The following SREK1IP1 variants were observed in gnomAD, a reference collection of about 807,000 sequenced individuals.
SREK1IP1 encodes protein SREK1IP1.
Under a neutral mutation model 22.8 loss-of-function variants are expected in SREK1IP1, and 12 were observed. The observed-to-expected ratio is 0.53, with a 90% confidence interval of 0.34 to 0.85. SREK1IP1 has a LOEUF of 0.85. Among genes scored for constraint, SREK1IP1 ranks in the 40% least tolerant of loss-of-function variants. The probability of loss-of-function intolerance (pLI) is 0.02; values close to 1 mark genes in which losing one functional copy is unlikely to be tolerated. For synonymous variants in SREK1IP1, 53 were observed against 52.7 expected, an observed-to-expected ratio of 1.01 and a Z score of -0.02; for missense variants, 147 against 171.8, an observed-to-expected ratio of 0.86 and a Z score of 0.81.
chr5:64,738,834 A>C (rs764464198), intron 3 of SREK1IP1, among the ~76,000 whole-genome samples: 1 of 152,168 alleles, frequency 6.6e-6, no homozygotes, highest in Non-Finnish European at 1.5e-5. Flanking sequence ...ACCTAAAATG[A>C]AGATATCTGA....
chr5:64,730,921 A>G (rs754024877), intron 3 of SREK1IP1, among the ~76,000 whole-genome samples: 6 of 151,350 alleles, frequency 4.0e-5, no homozygotes, highest in Non-Finnish European at 5.9e-5. Context: ...GCAGTTACAG[A>G]TATTTGCAAA....
intron 4 of SREK1IP1, chr5:64,727,891 T>C (rs1359307598): frequency 2.9e-6 from 1 of 339,306 alleles, no homozygotes. Flanking sequence ...GTTAATTTAT[T>C]AGCCATGGTA....
chr5:64,748,540 G>C (rs557829024), intron 2 of SREK1IP1, among the ~76,000 whole-genome samples: 169 of 152,320 alleles, frequency 1.1e-3, no homozygotes, highest in African/African-American at 4.0e-3. Context: ...GCATGGCATA[G>C]TATTAAATCT....
rs191906575 is a variant in SREK1IP1 at position 64,726,602 on chromosome 5, C to T, written c.278+1505G>A. 7.5e-4 allele frequency among the ~76,000 whole-genome samples: 112 copies of T among 149,850 alleles called. 3 individuals carry two copies. The East Asian group carries it at 0.018, about 24-fold the overall frequency. On this transcript the variant is annotated intron_variant, in intron 4 of 4. Transcript: ENST00000513458. ...AAAAAAAAAAAAAAAAAGAAATATACAGATGTACTTCAACTTATGATGGAG... is the reference window on the plus strand; with the variant it reads ...AAAAAAAAAAAAAAAAAGAAATATATAGATGTACTTCAACTTATGATGGAG...
At chr5:64,740,198 T>A (rs1473215915) in intron 3 of SREK1IP1, among the ~76,000 whole-genome samples, 1 of 152,032 alleles carries the variant, frequency 6.6e-6, no homozygotes, top group African/African-American at 2.4e-5. Context: ...GGAGGATGTG[T>A]CCAGGAAAGA....
At chr5:64,765,699 C>T (rs1743021509) in intron 1 of SREK1IP1, among the ~76,000 whole-genome samples, 1 of 152,116 alleles carries the variant, frequency 6.6e-6, no homozygotes. Context: ...TACTTTGAAG[C>T]ACTATTTTGA....
chr5:64,727,553 A>ATATATATATATAT, intron 4 of SREK1IP1: 1 of 84,714 alleles, frequency 1.2e-5, no homozygotes, highest in African/African-American at 5.5e-5. Context: ...ATATATATAT[A>ATATATATATATAT]TTTTTTTTTT....
Position 64,746,378 on chromosome 5 carries a change from T to C in SREK1IP1, c.62-5178A>G, listed in dbSNP as rs544021617. 1.1e-3 allele frequency among the ~76,000 whole-genome samples: 172 copies of C among 152,264 alleles called. 1 individual carries two copies. Among genetic ancestry groups the C allele is most frequent in the African/African-American group, 3.9e-3 (164 of 41,544 alleles). ...AAAATTGATAAAATGGTCGTCAGAA[T>C]TAAAAACTTTTGTGCAAAATTATCA... On this transcript the variant is annotated intron_variant, in intron 2 of 4. Coordinates refer to ENST00000513458, the MANE Select transcript of SREK1IP1 (RefSeq NM_173829.4).
chr5:64,742,841 T>G (rs965205601), intron 2 of SREK1IP1, among the ~76,000 whole-genome samples: 1 of 152,224 alleles, frequency 6.6e-6, no homozygotes, highest in Non-Finnish European at 1.5e-5. Flanking sequence ...AAAATATGTA[T>G]TGCACATTTT....
intron 1 of SREK1IP1, among the ~76,000 whole-genome samples, chr5:64,757,750 G>C (rs936968210): frequency 6.6e-6 from 1 of 151,346 alleles, no homozygotes; most frequent in East Asian, 1.9e-4. Context: ...CACTTGCACA[G>C]CAAACTCCAG....
rs2112078562 is a variant in SREK1IP1 at position 64,718,924 on chromosome 5, A to G, written c.*5460T>C. Reference sequence around the variant, plus strand: ...TTAGGGTGGTATGGCCATAGCCAAAAACTAGCATTTCAAAATGTGCTGAAT... The same window carrying G: ...TTAGGGTGGTATGGCCATAGCCAAAGACTAGCATTTCAAAATGTGCTGAAT... On this transcript the variant is annotated 3_prime_UTR_variant, in exon 5 of 5. Coordinates refer to ENST00000513458, the MANE Select transcript of SREK1IP1 (RefSeq NM_173829.4). 1 of 152,312 alleles carries G rather than the reference A, an allele frequency of 6.6e-6. No individual in the cohort carries two copies. The highest frequency in any genetic ancestry group is 6.5e-5 in the Admixed American group (1 of 15,296). 9.4% of individuals were successfully genotyped at this position (152,312 alleles called of 1,614,324 possible).
intron 3 of SREK1IP1, among the ~76,000 whole-genome samples, chr5:64,737,414 T>C (rs1742482081): frequency 6.7e-6 from 1 of 149,858 alleles, no homozygotes; most frequent in African/African-American, 2.5e-5. Context: ...CCACAATTTA[T>C]GGGATTCTGC....
At chr5:64,762,198 T>C (rs991749874) in intron 1 of SREK1IP1, among the ~76,000 whole-genome samples, 4 of 152,248 alleles carry the variant, frequency 2.6e-5, no homozygotes, top group African/African-American at 7.2e-5. Context: ...TTCATTACAT[T>C]AAAATATTTC....
At chr5:64,741,675 T>C (rs1425137264) in intron 2 of SREK1IP1, among the ~76,000 whole-genome samples, 1 of 152,186 alleles carries the variant, frequency 6.6e-6, no homozygotes, top group African/African-American at 2.4e-5. Context: ...TTAATATAAC[T>C]GAATGTGCTT....
In SREK1IP1 at chr5:64,750,153, G is replaced by T. The variant is rs191800342; in HGVS notation, c.61+4162C>A. ...CTTTTCTGGGTTCCCTGACATTCTAGATTCCATGGTCACACTATGGTCCTT... is the reference window on the plus strand; with the variant it reads ...CTTTTCTGGGTTCCCTGACATTCTATATTCCATGGTCACACTATGGTCCTT... On this transcript the variant is annotated intron_variant, in intron 2 of 4. Transcript: ENST00000513458. Among the ~76,000 whole-genome samples the T allele has an allele frequency of 8.6e-5, 13 of 152,020 alleles. No individual in the cohort carries two copies. In the East Asian group the frequency reaches 2.5e-3, roughly 29 times the overall value.
At chr5:64,724,981 T>G (rs1742238162) in intron 4 of SREK1IP1, among the ~76,000 whole-genome samples, 1 of 152,144 alleles carries the variant, frequency 6.6e-6, no homozygotes, top group Admixed American at 6.5e-5. Context: ...AAAGTTGCAA[T>G]TCTCTATTTT....
In SREK1IP1 at chr5:64,722,238, TTTAA is replaced by T. The variant is rs1464698720; in HGVS notation, c.*2142_*2145del. On this transcript the variant is annotated 3_prime_UTR_variant, in exon 5 of 5. Transcript: ENST00000513458. ...GGAAAATTACTGATCATTAAAATAT[TTTAA>T]TTTGCATACTACATTAGTTAACGAG... 3 of 152,182 alleles carry T rather than the reference TTTAA, an allele frequency of 2.0e-5. No homozygotes were observed. The highest frequency in any genetic ancestry group is 4.4e-5 in the Non-Finnish European group (3 of 68,014). 9.4% of individuals were successfully genotyped at this position (152,182 alleles called of 1,614,324 possible).
chr5:64,727,287 A>G (rs147738891), intron 4 of SREK1IP1, among the ~76,000 whole-genome samples: 109 of 142,276 alleles, frequency 7.7e-4, no homozygotes, highest in Non-Finnish European at 1.3e-3. Flanking sequence ...GTATGAATGA[A>G]ACTGCACGCA....
chr5:64,732,182 A>G (rs1742392250), intron 3 of SREK1IP1, among the ~76,000 whole-genome samples: 1 of 152,146 alleles, frequency 6.6e-6, no homozygotes, highest in South Asian at 2.1e-4. Flanking sequence ...AAGTACTAAA[A>G]CAATGCAAGT....
Sources: gnomAD v4.1 joint callset for allele counts (sites outside exome capture counted in the v4.1 genomes callset) on GRCh38, gnomAD v4.1.1 for gene constraint, MANE v1.5 for transcripts, NCBI Gene and HGNC (gene_info 2026-07-23, HGNC 2026-07-21) for gene names.